The following FRMD3 variants were observed in gnomAD, a reference collection of about 807,000 sequenced individuals.
FRMD3 encodes FERM domain containing 3.
Under a neutral mutation model 70.2 loss-of-function variants are expected in FRMD3, and 33 were observed. That is an observed-to-expected ratio of 0.47 (90% confidence interval 0.36 to 0.63). The LOEUF is 0.63. Among genes scored for constraint, FRMD3 ranks in the 20% least tolerant of loss-of-function variants. FRMD3 has a pLI of 0.00. For synonymous variants in FRMD3, 279 were observed against 255.9 expected (o/e 1.09, Z -0.86); for missense variants, 632 against 711.4 (o/e 0.89, Z 1.27).
intron 1 of FRMD3, among the ~76,000 whole-genome samples, chr9:83,424,815 C>G (rs1006021166): frequency 6.6e-6 from 1 of 152,204 alleles, no homozygotes; most frequent in Non-Finnish European, 1.5e-5. Flanking sequence ...ACTATCCACA[C>G]AAAGTAGGTC....
At chr9:83,511,806 G>A (rs892495825) in intron 1 of FRMD3, among the ~76,000 whole-genome samples, 5 of 152,176 alleles carry the variant, frequency 3.3e-5, no homozygotes, top group Non-Finnish European at 5.9e-5. Context: ...CCAGGACCAC[G>A]TTGACAGGGT....
intron 1 of FRMD3, among the ~76,000 whole-genome samples, chr9:83,395,395 C>T (rs1482614988): frequency 6.6e-6 from 1 of 151,774 alleles, no homozygotes; most frequent in Non-Finnish European, 1.5e-5. Context: ...AAACTTGTGT[C>T]ATGGGGGTTT....
intron 13 of FRMD3, among the ~76,000 whole-genome samples, chr9:83,276,760 A>G (rs1056100859): frequency 6.6e-6 from 1 of 152,244 alleles, no homozygotes. Flanking sequence ...CCCAGGCTAC[A>G]GTGCAATGGT....
rs561163590 is a variant in FRMD3 at position 83,245,780 on chromosome 9, G to A, written c.*2138C>T. 7.1e-6 allele frequency: 7 copies of A among 984,844 alleles called. No homozygotes were observed. The East Asian group carries it at 8.0e-4, about 112-fold the overall frequency. 61.0% of individuals were successfully genotyped at this position (984,844 alleles called of 1,614,324 possible). A position where few individuals can be genotyped will look rare whatever the true frequency, so the allele number is the denominator to read the frequency against. On this transcript the variant is annotated 3_prime_UTR_variant, in exon 14 of 14. Coordinates refer to ENST00000304195, the MANE Select transcript of FRMD3 (RefSeq NM_174938.6). ...CTAATTTTGTGCAGACTACACTAAA[G>A]TTGCCTTATGTCAGAAAGGATGACT...
intron 10 of FRMD3, 35 bp from the exon 11 acceptor site, chr9:83,299,221 A>G (rs750626841): frequency 5.6e-6 from 8 of 1,420,884 alleles, no homozygotes; most frequent in Non-Finnish European, 7.9e-6. Context: ...TGGTTAGGAC[A>G]TTGGAAAGTC....
intron 3 of FRMD3, among the ~76,000 whole-genome samples, chr9:83,353,985 C>T (rs545324963): frequency 5.9e-5 from 9 of 152,026 alleles, no homozygotes; most frequent in South Asian, 4.1e-4. Flanking sequence ...AGTGAAATGG[C>T]GTGATCTCAG....
At chr9:83,488,059 A>T (rs1350864725) in intron 1 of FRMD3, among the ~76,000 whole-genome samples, 1 of 152,172 alleles carries the variant, frequency 6.6e-6, no homozygotes, top group Non-Finnish European at 1.5e-5. Context: ...TAACTCCTAC[A>T]GTTTTTCCTA....
rs992837877 is a variant in FRMD3, at chr9:83,537,217, C to G, written c.147+868G>C. 6.6e-6 allele frequency among the ~76,000 whole-genome samples: 1 copy of G among 152,140 alleles called. No homozygotes were observed. The highest frequency in any genetic ancestry group is 2.1e-4 in the South Asian group (1 of 4,834). ...ACCTTTGCACCTCACACTAGCTCTC[C>G]TGACAGCCCAGAGGCACTTACTACC... On this transcript the variant is annotated intron_variant, in intron 1 of 13. Transcript: ENST00000304195. This position sits in a 1 kb window ranked among gnomAD's most constrained non-coding sequence, Gnocchi z 4.1.
At chr9:83,391,851 T>C (rs1489708511) in intron 1 of FRMD3, among the ~76,000 whole-genome samples, 1 of 152,084 alleles carries the variant, frequency 6.6e-6, no homozygotes, top group East Asian at 1.9e-4. Flanking sequence ...AGGTATAGCC[T>C]ACAGATCAAC....
At chr9:83,315,358 T>G (rs1835526060) in intron 6 of FRMD3, among the ~76,000 whole-genome samples, 1 of 152,028 alleles carries the variant, frequency 6.6e-6, no homozygotes, top group South Asian at 2.1e-4. Flanking sequence ...GAGGGAAGAG[T>G]GGGATGTGCC....
In FRMD3 at chr9:83,247,037, C is replaced by T. The variant is rs1563969547; in HGVS notation, c.*881G>A. ...TGTTACCTTTTTTCCTTTAAACTCT[C>T]ACTTTCTTTTTAAAACATCTGCTTC... is the stretch of plus-strand genomic sequence containing the variant. On this transcript the variant is annotated 3_prime_UTR_variant, in exon 14 of 14. Coordinates refer to ENST00000304195, the MANE Select transcript of FRMD3 (RefSeq NM_174938.6). The T allele has an allele frequency of 4.1e-6, 4 of 985,360 alleles. No homozygotes were observed. In the East Asian group the frequency reaches 3.4e-4, roughly 84 times the overall value. The allele number at this position is 985,360 out of a possible 1,614,324, so 61.0% of individuals were successfully genotyped here.
intron 1 of FRMD3, among the ~76,000 whole-genome samples, chr9:83,479,683 A>G (rs188817333): frequency 0.035 from 2,241 of 63,438 alleles, 46 homozygotes; most frequent in African/African-American, 0.049. Context: ...AAAGAAAGAA[A>G]GAAAGAAAGA....
intron 3 of FRMD3, among the ~76,000 whole-genome samples, chr9:83,351,613 CTTTT>C (rs1824160405): frequency 6.6e-6 from 1 of 151,996 alleles, no homozygotes; most frequent in Non-Finnish European, 1.5e-5. Flanking sequence ...TCCCAGCTTT[CTTTT>C]AAGTTTGTTT....
intron 1 of FRMD3, among the ~76,000 whole-genome samples, chr9:83,449,752 G>A (rs963705116): frequency 2.0e-5 from 3 of 152,190 alleles, no homozygotes; most frequent in African/African-American, 7.2e-5. Context: ...ACCAAGTGAT[G>A]GACTTGATCT....
At chr9:83,298,915 C>T (rs1834788823) in intron 11 of FRMD3, 99 bp from the exon 12 acceptor site, 2 of 1,229,232 alleles carry the variant, frequency 1.6e-6, no homozygotes, top group South Asian at 2.4e-5. Context: ...GGTGTCTGAC[C>T]CAGCTATAGA....
intron 1 of FRMD3, among the ~76,000 whole-genome samples, chr9:83,453,316 C>T (rs1366429088): frequency 5.3e-5 from 8 of 152,090 alleles, no homozygotes; most frequent in South Asian, 2.1e-4. Context: ...ACTATGTCTA[C>T]GCTTTATTAT....
At chr9:83,451,348 C>T (rs1827648130) in intron 1 of FRMD3, among the ~76,000 whole-genome samples, 1 of 144,380 alleles carries the variant, frequency 6.9e-6, no homozygotes. Flanking sequence ...TAAACTGCCC[C>T]ACTCCACACA....
intron 1 of FRMD3, among the ~76,000 whole-genome samples, chr9:83,447,064 C>T (rs1261950967): frequency 6.6e-6 from 1 of 152,054 alleles, no homozygotes; most frequent in East Asian, 1.9e-4. Context: ...TGCCTTGTCA[C>T]CCAGGCTGGG....
chr9:83,285,676 A>G (rs1834176351), intron 13 of FRMD3, among the ~76,000 whole-genome samples: 1 of 152,148 alleles, frequency 6.6e-6, no homozygotes, highest in Non-Finnish European at 1.5e-5. Flanking sequence ...TTCTTCCATA[A>G]TGAGAACATA....
Sources: gnomAD v4.1 joint callset for allele counts (sites outside exome capture counted in the v4.1 genomes callset) on GRCh38, gnomAD v4.1.1 for gene constraint, Gnocchi (gnomAD v3.1) non-coding constraint, MANE v1.5 for transcripts, NCBI Gene and HGNC (gene_info 2026-07-23, HGNC 2026-07-21) for gene names.